The following SBF2 variants were observed in gnomAD, a reference collection of about 807,000 sequenced individuals.
SBF2 encodes the protein myotubularin-related protein 13.
In SBF2, 112 loss-of-function variants were observed where a neutral mutation model predicts 225.2. The ratio of observed to expected loss-of-function variants is 0.50; its 90% confidence interval spans 0.43 to 0.58. The LOEUF (loss-of-function observed/expected upper bound fraction) is 0.58. SBF2 is among the 20% of genes least tolerant of loss of function. The probability of loss-of-function intolerance (pLI) is 0.00; values close to 1 mark genes in which losing one functional copy is unlikely to be tolerated. For synonymous variants in SBF2, 763 were observed against 773.3 expected (o/e 0.99, Z 0.22); for missense variants, 1,996 against 2,206.2 (o/e 0.90, Z 1.91).
chr11:10,032,995 G>A (rs916216763), intron 3 of SBF2, among the ~76,000 whole-genome samples: 1 of 152,136 alleles, frequency 6.6e-6, no homozygotes, highest in African/African-American at 2.4e-5. Context: ...TGTGGAATGT[G>A]CACATCCAAA....
In SBF2 at chr11:10,271,825, T is replaced by C. The variant is rs1315323741; in HGVS notation, c.55+22190A>G. On this transcript the variant is annotated intron_variant, in intron 1 of 39. Coordinates refer to ENST00000256190, the MANE Select transcript of SBF2 (RefSeq NM_030962.4). The stretch of plus-strand genomic sequence containing the variant: ...TGTTTATCTTATGTATAAAAGTACT[T>C]GCACAAAAAAACAAGCAGTTATTAC... 1.8e-5 allele frequency among the ~76,000 whole-genome samples: 2 copies of C among 111,818 alleles called. 1 individual carries two copies. Among genetic ancestry groups the C allele is most frequent in the Non-Finnish European group, 4.3e-5 (2 of 46,934 alleles). 73.4% of individuals were successfully genotyped at this position (111,818 alleles called of 152,430 possible). A position where few individuals can be genotyped will look rare whatever the true frequency, so the allele number is the denominator to read the frequency against.
chr11:10,107,525 A>G (rs565988457), intron 2 of SBF2, among the ~76,000 whole-genome samples: 2 of 152,340 alleles, frequency 1.3e-5, no homozygotes, highest in South Asian at 4.1e-4. Context: ...TAAACAACAT[A>G]GATTTATTCT....
chr11:10,289,270 C>T (rs1964007112), intron 1 of SBF2, among the ~76,000 whole-genome samples: 1 of 152,214 alleles, frequency 6.6e-6, no homozygotes, highest in Non-Finnish European at 1.5e-5. Context: ...GTCCACAGCC[C>T]CAGCTTGGGC....
intron 2 of SBF2, among the ~76,000 whole-genome samples, chr11:10,126,124 T>C (rs1953739851): frequency 6.6e-6 from 1 of 152,206 alleles, no homozygotes; most frequent in Admixed American, 6.5e-5. Flanking sequence ...ATTCTGATAC[T>C]TTATATTTTA....
At chr11:9,977,248 C>T (rs1467365162) in intron 13 of SBF2, among the ~76,000 whole-genome samples, 1 of 152,004 alleles carries the variant, frequency 6.6e-6, no homozygotes, top group Non-Finnish European at 1.5e-5. Flanking sequence ...TTTTAGGAGG[C>T]TGAGGTAGGA....
At chr11:10,290,087 C>T (rs143896759) in intron 1 of SBF2, among the ~76,000 whole-genome samples, 20 of 152,310 alleles carry the variant, frequency 1.3e-4, no homozygotes, top group African/African-American at 4.8e-4. Context: ...ATACATTTCA[C>T]TGTTGACATT....
At chr11:9,780,686 C>A in intron 39 of SBF2, 170 bp from the exon 40 acceptor site, 2 of 664,796 alleles carry the variant, frequency 3.0e-6, no homozygotes, top group South Asian at 1.6e-5. Context: ...CTTTTGTGGT[C>A]TCTAGAGTCA....
intron 29 of SBF2, 155 bp from the exon 30 acceptor site, chr11:9,812,863 T>C: frequency 1.4e-6 from 1 of 724,050 alleles, no homozygotes; most frequent in South Asian, 1.6e-5. Flanking sequence ...TACAGCAATG[T>C]GTCAGTGTTG....
intron 31 of SBF2, 33 bp downstream of exon 31, chr11:9,808,868 A>G: frequency 6.9e-7 from 1 of 1,446,688 alleles, no homozygotes; most frequent in Admixed American, 1.7e-5. Context: ...AAATATAAAT[A>G]TAAAATATCA....
chr11:10,265,511 G>T (rs1961901002), intron 1 of SBF2, among the ~76,000 whole-genome samples: 1 of 105,846 alleles, frequency 9.4e-6, no homozygotes, highest in Non-Finnish European at 1.8e-5. Context: ...GGGAGAGGTG[G>T]GGGGGTATCA....
intron 9 of SBF2, among the ~76,000 whole-genome samples, chr11:9,996,303 G>A (rs573259662): frequency 6.6e-6 from 1 of 152,196 alleles, no homozygotes; most frequent in South Asian, 2.1e-4. Flanking sequence ...TACCTTCTCA[G>A]CTTTTGCTAT....
At chr11:10,192,432 T>G (rs1367725075) in intron 2 of SBF2, among the ~76,000 whole-genome samples, 1 of 152,162 alleles carries the variant, frequency 6.6e-6, no homozygotes, top group African/African-American at 2.4e-5. Context: ...AATTTACAAT[T>G]TTCAATACAA....
chr11:9,876,360 T>C (rs570650684), intron 17 of SBF2, among the ~76,000 whole-genome samples: 21 of 152,188 alleles, frequency 1.4e-4, no homozygotes, highest in Non-Finnish European at 2.6e-4. Flanking sequence ...ATAAACTGAA[T>C]GTTTGTGTCC....
intron 16 of SBF2, among the ~76,000 whole-genome samples, chr11:9,942,276 A>G (rs894843559): frequency 6.6e-6 from 1 of 152,140 alleles, no homozygotes; most frequent in Non-Finnish European, 1.5e-5. Flanking sequence ...CATGTTGTCC[A>G]AGCTGGGCTC....
intron 1 of SBF2, among the ~76,000 whole-genome samples, chr11:10,212,193 C>T (rs1198434507): frequency 6.6e-6 from 1 of 152,162 alleles, no homozygotes; most frequent in African/African-American, 2.4e-5. Context: ...ATATTTATTC[C>T]AGACATGCAG....
At chr11:10,098,695 A>G (rs1440112067) in intron 2 of SBF2, among the ~76,000 whole-genome samples, 17 of 150,542 alleles carry the variant, frequency 1.1e-4, no homozygotes, top group African/African-American at 3.2e-4. Context: ...ACACACACAC[A>G]CACACACACA....
At chr11:10,251,512 T>A (rs572354356) in intron 1 of SBF2, among the ~76,000 whole-genome samples, 1 of 152,176 alleles carries the variant, frequency 6.6e-6, no homozygotes, top group Non-Finnish European at 1.5e-5. Context: ...ATGTAGATTA[T>A]AAAATTTCAG....
intron 25 of SBF2, among the ~76,000 whole-genome samples, chr11:9,841,874 G>A (rs1368561568): frequency 2.0e-5 from 3 of 152,172 alleles, no homozygotes; most frequent in Non-Finnish European, 2.9e-5. Flanking sequence ...ATGGAGACCG[G>A]TTAGCCAGTG....
At chr11:9,823,956 A>G (rs1423775290) in intron 28 of SBF2, among the ~76,000 whole-genome samples, 1 of 152,236 alleles carries the variant, frequency 6.6e-6, no homozygotes, top group Non-Finnish European at 1.5e-5. Flanking sequence ...AGCTTAAGAT[A>G]CCATAATGAC....
Sources: allele counts gnomAD v4.1 joint callset (sites outside exome capture counted in the v4.1 genomes callset), GRCh38; gene constraint gnomAD v4.1.1; transcripts MANE v1.5; gene names NCBI Gene and HGNC (gene_info 2026-07-23, HGNC 2026-07-21).